The following EYA4 variants were observed in gnomAD, a reference collection of about 807,000 sequenced individuals.
EYA4 encodes the protein EYA transcriptional coactivator and phosphatase 4, also known as protein phosphatase EYA4.
A neutral mutation model predicts 87.9 loss-of-function variants in EYA4; 31 were observed. The observed-to-expected ratio is 0.35, with a 90% CI of 0.27 to 0.48. The LOEUF is 0.48. Among genes scored for constraint, EYA4 ranks in the 20% least tolerant of loss-of-function variants. The pLI is 0.99. For missense variants in EYA4, 678 were observed against 761.4 expected (o/e 0.89, Z 1.29); for synonymous variants, 263 against 270.6 (o/e 0.97, Z 0.28).
chr6:133,410,677 G>T (rs1267008829), intron 3 of EYA4, among the ~76,000 whole-genome samples: 3 of 146,956 alleles, frequency 2.0e-5, no homozygotes, highest in Admixed American at 6.8e-5. Context: ...TGCATTGAAG[G>T]CTCCCTACTC....
chr6:133,481,807 T>TA (rs1266829984), intron 12 of EYA4, among the ~76,000 whole-genome samples: 4 of 152,176 alleles, frequency 2.6e-5, no homozygotes, highest in African/African-American at 9.7e-5. Context: ...AATAACAGTA[T>TA]AAAAATGATC....
At chr6:133,414,864 C>G (rs1417113282) in intron 3 of EYA4, among the ~76,000 whole-genome samples, 1 of 152,068 alleles carries the variant, frequency 6.6e-6, no homozygotes, top group Non-Finnish European at 1.5e-5. Flanking sequence ...TGTCTGTTAC[C>G]TGTTTGAGGT....
chr6:133,389,848 G>A (rs978451863), intron 3 of EYA4, among the ~76,000 whole-genome samples: 3 of 152,054 alleles, frequency 2.0e-5, no homozygotes, highest in Non-Finnish European at 2.9e-5. Context: ...TTCCTCTGCC[G>A]TGCTTTTTGA....
chr6:133,395,676 G>A (rs187002862), intron 3 of EYA4, among the ~76,000 whole-genome samples: 1,547 of 152,322 alleles, frequency 0.01, 33 homozygotes, highest in African/African-American at 0.035. Flanking sequence ...CAGAAGAATC[G>A]CTTGAACCCG....
chr6:133,408,763 G>A (rs1788954428), intron 3 of EYA4, among the ~76,000 whole-genome samples: 1 of 152,142 alleles, frequency 6.6e-6, no homozygotes, highest in South Asian at 2.1e-4. Context: ...GTGAGTGTTA[G>A]TCATGATGTC....
intron 1 of EYA4, among the ~76,000 whole-genome samples, chr6:133,261,567 AT>A (rs1775800234): frequency 1.3e-5 from 2 of 152,186 alleles, no homozygotes; most frequent in Admixed American, 6.6e-5. Context: ...GGAGTTGTTC[AT>A]TTTTACAAGC....
intron 16 of EYA4, among the ~76,000 whole-genome samples, chr6:133,513,315 C>T (rs1287633066): frequency 1.3e-5 from 2 of 152,142 alleles, no homozygotes; most frequent in African/African-American, 4.8e-5. Context: ...CCTTTATCAG[C>T]TGGTGCTTGG....
intron 5 of EYA4, 104 bp downstream of exon 5, chr6:133,448,283 A>G: frequency 1.1e-6 from 1 of 874,462 alleles, no homozygotes; most frequent in East Asian, 2.4e-5. Flanking sequence ...TTCTGTGTTC[A>G]GTACTTAAAA....
intron 3 of EYA4, among the ~76,000 whole-genome samples, chr6:133,405,442 C>A (rs948979105): frequency 2.0e-5 from 3 of 152,152 alleles, no homozygotes; most frequent in African/African-American, 4.8e-5. Context: ...CATCTACTAA[C>A]TTCTTTATTC....
chr6:133,448,545 A>G (rs986288763), intron 5 of EYA4, among the ~76,000 whole-genome samples: 4 of 152,180 alleles, frequency 2.6e-5, no homozygotes, highest in African/African-American at 9.6e-5. Flanking sequence ...AAACTTAATC[A>G]CCTTCATAAC....
At chr6:133,370,522 A>G (rs1465573370) in intron 2 of EYA4, among the ~76,000 whole-genome samples, 1 of 152,220 alleles carries the variant, frequency 6.6e-6, no homozygotes, top group Non-Finnish European at 1.5e-5. Flanking sequence ...AAAGTGTGAA[A>G]CACACTTCGT....
At chr6:133,402,865 T>A (rs1788381058) in intron 3 of EYA4, among the ~76,000 whole-genome samples, 1 of 152,108 alleles carries the variant, frequency 6.6e-6, no homozygotes, top group African/African-American at 2.4e-5. Context: ...CCAGTAAGAA[T>A]TAGGGAAGCA....
At chr6:133,255,485 A>G (rs575290117) in intron 1 of EYA4, among the ~76,000 whole-genome samples, 9 of 152,276 alleles carry the variant, frequency 5.9e-5, no homozygotes, top group African/African-American at 2.2e-4. Context: ...TGCATATGTT[A>G]TACTTTCTTA....
In EYA4 at chr6:133,530,567, C is replaced by T; in HGVS notation, c.*1762C>T. The T allele has an allele frequency of 1.0e-6, 1 of 985,858 alleles. No homozygotes were observed. Among genetic ancestry groups the T allele is most frequent in the South Asian group, 4.7e-5 (1 of 21,280 alleles). The allele number at this position is 985,858 out of a possible 1,614,324, so 61.1% of individuals were successfully genotyped here. The stretch of plus-strand genomic sequence containing the variant: ...TTCATGAGTTCATCAACTGAGGCCT[C>T]TGTGGCTTCAATAAAGTCTACATTT... On this transcript the variant is annotated 3_prime_UTR_variant, in exon 20 of 20. Transcript: ENST00000355286.
chr6:133,309,076 A>G (rs1780022976), intron 2 of EYA4, among the ~76,000 whole-genome samples: 1 of 152,104 alleles, frequency 6.6e-6, no homozygotes, highest in African/African-American at 2.4e-5. Flanking sequence ...AAATATAGCA[A>G]AAAATATAAC....
intron 1 of EYA4, among the ~76,000 whole-genome samples, chr6:133,271,678 C>A (rs1776699626): frequency 6.6e-6 from 1 of 152,152 alleles, no homozygotes; most frequent in South Asian, 2.1e-4. Flanking sequence ...GTGGCCGTAG[C>A]CAGTTTAGCC....
At chr6:133,517,894 C>T (rs190153587) in intron 17 of EYA4, among the ~76,000 whole-genome samples, 27 of 152,248 alleles carry the variant, frequency 1.8e-4, no homozygotes, top group African/African-American at 5.5e-4. Context: ...CTGTTTCAGA[C>T]GTTAGGCTGA....
At chr6:133,463,283 A>G (rs6922694) in intron 9 of EYA4, among the ~76,000 whole-genome samples, 21,564 of 150,870 alleles carry the variant, frequency 0.14, 2,393 homozygotes, top group East Asian at 0.3. Flanking sequence ...TTACTCTCCA[A>G]TCCTCCATAT....
intron 1 of EYA4, among the ~76,000 whole-genome samples, chr6:133,271,567 A>C (rs888093122): frequency 1.3e-5 from 2 of 152,120 alleles, no homozygotes; most frequent in Non-Finnish European, 2.9e-5. Flanking sequence ...GGTCCAATAT[A>C]ATCAACCTGC....
Sources: allele counts gnomAD v4.1 joint callset (sites outside exome capture counted in the v4.1 genomes callset), GRCh38; gene constraint gnomAD v4.1.1; transcripts MANE v1.5; gene names NCBI Gene and HGNC (gene_info 2026-07-23, HGNC 2026-07-21).